Variants in MCF2L observed in about 807,000 individuals in gnomAD.
The protein encoded by MCF2L is MCF.2 cell line derived transforming sequence like.
MCF2L carries 97 observed loss-of-function variants against 153.4 expected under a neutral mutation model. That is an observed-to-expected ratio of 0.63 (90% CI 0.54 to 0.75). The LOEUF is 0.75. Among genes scored for constraint, MCF2L ranks in the 30% least tolerant of loss-of-function variants. MCF2L has a pLI of 0.00. For missense variants in MCF2L, 1,347 were observed against 1,495.2 expected (o/e 0.90, Z 1.64); for synonymous variants, 659 against 632.2 (o/e 1.04, Z -0.64).
At position 113,085,354 on chromosome 13, in the gene MCF2L, G is replaced by A. The variant is rs112334715; in HGVS notation, c.2247+176G>A. ...GGTCCTACTGTGCGCCACTGTTAGG[G>A]GTCTGAGGACGCAGGTGAGCAGACG... is the stretch of plus-strand genomic sequence containing the variant. On this transcript the variant is annotated intron_variant, in intron 20 of 29. Transcript: ENST00000535094. Among the ~76,000 whole-genome samples, 1,258 of 152,320 alleles carry A rather than the reference G, an allele frequency of 8.3e-3. 13 individuals are homozygous for A. Among genetic ancestry groups the A allele is most frequent in the Non-Finnish European group, 0.012 (821 of 68,020 alleles).
intron 1 of MCF2L, chr13:113,008,808 G>A (rs1047018529): frequency 6.6e-6 from 1 of 152,244 alleles, no homozygotes; most frequent in African/African-American, 2.4e-5. Flanking sequence ...TTTTCAGTCT[G>A]ATCTGTTGGG....
intron 3 of MCF2L, among the ~76,000 whole-genome samples, chr13:113,033,432 T>TGGC (rs1555370964): frequency 0.094 from 2,747 of 29,280 alleles, 336 homozygotes; most frequent in East Asian, 0.31. Flanking sequence ...GCCCCCATGA[T>TGGC]GTGAGTGGCC....
rs1003615607 is a variant in MCF2L at position 113,064,815 on chromosome 13, C to T, written c.607-121C>T. 1.6e-5 allele frequency: 18 copies of T among 1,108,228 alleles called. No individual in the cohort carries two copies. The highest frequency in any genetic ancestry group is 2.0e-5 in the Non-Finnish European group (16 of 781,868). The allele number at this position is 1,108,228 out of a possible 1,614,324, so 68.6% of individuals were successfully genotyped here. ...TATGGGAGGGCGTTCACCGTCTTTG[C>T]GTCAGCCGGTCTCACCTGATGGGTC... On this transcript the variant is annotated intron_variant, in intron 6 of 29. Coordinates refer to ENST00000535094, the MANE Select transcript of MCF2L (RefSeq NM_001112732.3). This position sits in a 1 kb window ranked among gnomAD's most constrained non-coding sequence, Gnocchi z 6.0.
chr13:113,036,406 CA>C (rs2086153463), intron 3 of MCF2L, among the ~76,000 whole-genome samples: 1 of 152,232 alleles, frequency 6.6e-6, no homozygotes, highest in Non-Finnish European at 1.5e-5. Context: ...TGTGCTTGGG[CA>C]ACCAAGGCTG....
At chr13:113,073,795 A>C (rs1258591116) in intron 9 of MCF2L, among the ~76,000 whole-genome samples, 1 of 152,064 alleles carries the variant, frequency 6.6e-6, no homozygotes, top group African/African-American at 2.4e-5. Flanking sequence ...GGTGCCTGTA[A>C]TCCCAGCTAC....
intron 17 of MCF2L, among the ~76,000 whole-genome samples, 199 bp downstream of exon 17, chr13:113,082,741 G>A (rs926636914): frequency 2.6e-5 from 4 of 152,218 alleles, no homozygotes; most frequent in Non-Finnish European, 5.9e-5. Context: ...CACCGTACCT[G>A]GTGGCCTGTG....
intron 1 of MCF2L, among the ~76,000 whole-genome samples, chr13:112,999,331 G>A (rs897651707): frequency 6.7e-6 from 1 of 150,212 alleles, no homozygotes; most frequent in African/African-American, 2.5e-5. Flanking sequence ...CACAGAAGAG[G>A]GGAGCAGCTG....
rs376142952 is a variant in MCF2L, at chr13:113,046,551, G to C, written c.369+1190G>C. 3.8e-6 allele frequency: 2 copies of C among 533,242 alleles called. No homozygotes were observed. The highest frequency in any genetic ancestry group is 7.7e-6 in the Non-Finnish European group (2 of 259,882). 33.0% of individuals were successfully genotyped at this position (533,242 alleles called of 1,614,324 possible). A position where few individuals can be genotyped will look rare whatever the true frequency, so the allele number is the denominator to read the frequency against. ...CAAGGTTTGAGGTATACTGAAAAAAGTCATTCCTTTCCCCGCACATTGCCT... is the reference window on the plus strand; with the variant it reads ...CAAGGTTTGAGGTATACTGAAAAAACTCATTCCTTTCCCCGCACATTGCCT... On this transcript the variant is annotated intron_variant, in intron 4 of 29. Coordinates refer to ENST00000535094, the MANE Select transcript of MCF2L (RefSeq NM_001112732.3). The surrounding 1 kb of genome is among the most constrained non-coding windows in gnomAD (Gnocchi z 4.4).
At chr13:112,998,589 G>A (rs930001177) in intron 1 of MCF2L, among the ~76,000 whole-genome samples, 5 of 152,318 alleles carry the variant, frequency 3.3e-5, no homozygotes, top group East Asian at 1.9e-4. Flanking sequence ...TGGGATGGTC[G>A]TGTGTTCAAA....
At chr13:112,980,998 C>T (rs923659371) in intron 1 of MCF2L, among the ~76,000 whole-genome samples, 1 of 151,950 alleles carries the variant, frequency 6.6e-6, no homozygotes, top group Admixed American at 6.6e-5. Flanking sequence ...GACCCTGATA[C>T]GTCCCCTTCC....
At chr13:113,013,825 G>A (rs1157041797) in intron 1 of MCF2L, among the ~76,000 whole-genome samples, 1 of 152,234 alleles carries the variant, frequency 6.6e-6, no homozygotes, top group East Asian at 1.9e-4. Flanking sequence ...CCCAGGCACA[G>A]TGGCCTGGCA....
chr13:112,976,968 C>T (rs902501398), intron 1 of MCF2L, among the ~76,000 whole-genome samples: 3 of 152,166 alleles, frequency 2.0e-5, no homozygotes, highest in Admixed American at 2.0e-4. Context: ...CAAGCACGCT[C>T]TGTCCTTCCC....
intron 2 of MCF2L, among the ~76,000 whole-genome samples, chr13:113,022,639 G>A (rs942513038): frequency 6.6e-6 from 1 of 152,242 alleles, no homozygotes; most frequent in Non-Finnish European, 1.5e-5. Flanking sequence ...CGCTTGCCTC[G>A]GCTTGTCCCG....
intron 1 of MCF2L, among the ~76,000 whole-genome samples, chr13:113,000,204 A>G (rs115733703): frequency 0.02 from 2,983 of 152,314 alleles, 110 homozygotes; most frequent in African/African-American, 0.068. Flanking sequence ...GTCTGGGTCA[A>G]TGTGCACAGC....
At position 113,096,186 on chromosome 13, in the gene MCF2L, C is replaced by G. The variant is rs1245908972; in HGVS notation, c.3076-185C>G. On this transcript the variant is annotated intron_variant, in intron 27 of 29. Transcript: ENST00000535094. ...CAGATTCACAGACGCCTTCCATCGC[C>G]GCTGCGGTAGTCATGCCCTGCGGCG... The G allele has an allele frequency of 1.2e-5, 7 of 605,774 alleles. No homozygotes were observed. The Admixed American group carries it at 1.5e-4, about 13-fold the overall frequency. 37.5% of individuals were successfully genotyped at this position (605,774 alleles called of 1,614,324 possible).
At chr13:112,967,199 T>C (rs1274262092), upstream of MCF2L, among the ~76,000 whole-genome samples, 1 of 141,984 alleles carries the variant, frequency 7.0e-6, no homozygotes, top group East Asian at 2.2e-4. Flanking sequence ...CGGTGGGGGA[T>C]GGGGAGTGGT....
At chr13:112,970,314 G>A (rs1002216968) in intron 1 of MCF2L, among the ~76,000 whole-genome samples, 1 of 152,116 alleles carries the variant, frequency 6.6e-6, no homozygotes, top group East Asian at 1.9e-4. Context: ...CTTGGTTTGG[G>A]TGTGGTTCTC....
chr13:113,019,255 A>G (rs1366439727), intron 2 of MCF2L, among the ~76,000 whole-genome samples: 2 of 152,170 alleles, frequency 1.3e-5, no homozygotes, highest in Non-Finnish European at 2.9e-5. Flanking sequence ...CAGTCCTGAG[A>G]GAGGGATTCG....
chr13:113,069,932 CG>C (rs1360950309), intron 8 of MCF2L, 126 bp from the exon 9 acceptor site: 2 of 586,208 alleles, frequency 3.4e-6, no homozygotes, highest in Non-Finnish European at 5.9e-6. Flanking sequence ...AGGGAGTGAG[CG>C]GAGGCCAGGA....
Sources: allele counts gnomAD v4.1 joint callset (sites outside exome capture counted in the v4.1 genomes callset), GRCh38; gene constraint gnomAD v4.1.1; non-coding constraint Gnocchi (gnomAD v3.1); transcripts MANE v1.5; gene names NCBI Gene and HGNC (gene_info 2026-07-23, HGNC 2026-07-21).